KLHL8: variants seen among roughly 807,000 people sequenced by gnomAD.
The protein encoded by KLHL8 is kelch-like protein 8.
Under a neutral mutation model 63.5 loss-of-function variants are expected in KLHL8, and 38 were observed. That is an observed-to-expected ratio of 0.60 (90% CI 0.46 to 0.78). The LOEUF (loss-of-function observed/expected upper bound fraction) is 0.78. Ranked by LOEUF, KLHL8 falls within the 30% of genes least tolerant of loss-of-function variation. The pLI is 0.00. For synonymous variants in KLHL8, 224 were observed against 254.3 expected (o/e 0.88, Z 1.13); for missense variants, 566 against 752.4 (o/e 0.75, Z 2.90).
chr4:87,207,200 G>C, intron 1 of KLHL8: 1 of 570,650 alleles, frequency 1.8e-6, no homozygotes, highest in Non-Finnish European at 3.3e-6. Flanking sequence ...CCGCTTCATT[G>C]ACCTCAACTA....
At chr4:87,233,323 C>T (rs192693768) in intron 1 of KLHL8, among the ~76,000 whole-genome samples, 9 of 152,306 alleles carry the variant, frequency 5.9e-5, no homozygotes, top group Non-Finnish European at 8.8e-5. Context: ...GTGCGTGGCT[C>T]ATGCCTATAA....
At chr4:87,165,658 A>G (rs112261152) in intron 8 of KLHL8, among the ~76,000 whole-genome samples, 6,112 of 151,972 alleles carry the variant, frequency 0.04, 187 homozygotes, top group Non-Finnish European at 0.063. Context: ...CAGCCTCCCA[A>G]AGTGCTGGGA....
At chr4:87,185,926 C>T (rs1304584550) in intron 2 of KLHL8, 127 bp from the exon 3 acceptor site, 7 of 742,082 alleles carry the variant, frequency 9.4e-6, no homozygotes, top group Non-Finnish European at 1.5e-5. Flanking sequence ...ATAAGGCGAT[C>T]CTTTGATCAC....
At chr4:87,184,813 G>A (rs1301863549) in intron 3 of KLHL8, among the ~76,000 whole-genome samples, 1 of 152,096 alleles carries the variant, frequency 6.6e-6, no homozygotes, top group African/African-American at 2.4e-5. Context: ...TAGAAGTGAT[G>A]TCCTATGGTT....
chr4:87,169,546 T>G (rs1730556208), intron 8 of KLHL8, among the ~76,000 whole-genome samples: 1 of 152,094 alleles, frequency 6.6e-6, no homozygotes, highest in Admixed American at 6.6e-5. Context: ...GATGAAGATT[T>G]AAACAAAAAT....
At chr4:87,227,745 C>G (rs1451098981) in intron 1 of KLHL8, among the ~76,000 whole-genome samples, 1 of 152,196 alleles carries the variant, frequency 6.6e-6, no homozygotes, top group Non-Finnish European at 1.5e-5. Flanking sequence ...ATTAAACCAT[C>G]ATTTTAGTCC....
intron 4 of KLHL8, among the ~76,000 whole-genome samples, chr4:87,182,354 G>A (rs571202046): frequency 6.6e-6 from 1 of 151,548 alleles, no homozygotes; most frequent in Non-Finnish European, 1.5e-5. Flanking sequence ...ATGACTTTCA[G>A]CATTTCTTTG....
At chr4:87,228,143 C>T (rs1375782732) in intron 1 of KLHL8, among the ~76,000 whole-genome samples, 1 of 152,146 alleles carries the variant, frequency 6.6e-6, no homozygotes, top group African/African-American at 2.4e-5. Flanking sequence ...GGAAGTTCTG[C>T]GTGTGGGACC....
chr4:87,185,910 C>G, intron 2 of KLHL8, 111 bp from the exon 3 acceptor site: 1 of 877,872 alleles, frequency 1.1e-6, no homozygotes, highest in Non-Finnish European at 1.7e-6. Flanking sequence ...TTTAGAGTAT[C>G]TTTTTATAAG....
intron 1 of KLHL8, among the ~76,000 whole-genome samples, chr4:87,205,348 A>C (rs569604290): frequency 6.6e-6 from 1 of 152,308 alleles, no homozygotes; most frequent in East Asian, 1.9e-4. Flanking sequence ...TCGAGGCCAC[A>C]GTGAGCTGTG....
chr4:87,186,080 C>T (rs1233307399), intron 2 of KLHL8, among the ~76,000 whole-genome samples: 2 of 151,928 alleles, frequency 1.3e-5, no homozygotes, highest in Non-Finnish European at 2.9e-5. Flanking sequence ...GCTCTGTTGC[C>T]CAGGCTGGAG....
intron 2 of KLHL8, among the ~76,000 whole-genome samples, chr4:87,193,927 G>A (rs372214201): frequency 3.9e-5 from 6 of 152,110 alleles, no homozygotes; most frequent in African/African-American, 1.2e-4. Context: ...ATTTACTAGC[G>A]GAATGGATGA....
intron 1 of KLHL8, among the ~76,000 whole-genome samples, chr4:87,227,014 A>T (rs1232892443): frequency 9.2e-6 from 1 of 109,148 alleles, no homozygotes; most frequent in Non-Finnish European, 1.7e-5. Context: ...ATTATATATA[A>T]ATAATATATA....
At chr4:87,176,516 A>G (rs1730821822) in intron 6 of KLHL8, among the ~76,000 whole-genome samples, 1 of 152,234 alleles carries the variant, frequency 6.6e-6, no homozygotes, top group Non-Finnish European at 1.5e-5. Context: ...AAAAAAATCA[A>G]TGCTCATGTA....
chr4:87,231,679 C>T (rs1733140178), intron 1 of KLHL8, among the ~76,000 whole-genome samples: 1 of 152,162 alleles, frequency 6.6e-6, no homozygotes, highest in South Asian at 2.1e-4. Flanking sequence ...TCACTGCAAC[C>T]TCTGCCTCCC....
upstream of KLHL8, among the ~76,000 whole-genome samples, chr4:87,222,947 T>TTTTATTTTA (rs1260563358): frequency 6.6e-6 from 1 of 152,068 alleles, no homozygotes; most frequent in East Asian, 1.9e-4. Context: ...TAAGCTTTTA[T>TTTTATTTTA]TTTATTTTAT....
At chr4:87,222,100 T>C (rs879726844), upstream of KLHL8, among the ~76,000 whole-genome samples, 2 of 152,186 alleles carry the variant, frequency 1.3e-5, no homozygotes, top group Non-Finnish European at 2.9e-5. Flanking sequence ...TCTCTGAATT[T>C]CCCTTATCTG....
chr4:87,207,866 TG>T, intron 1 of KLHL8: 2 of 1,529,860 alleles, frequency 1.3e-6, no homozygotes, highest in African/African-American at 1.4e-5. Context: ...ATCAAGAAGG[TG>T]GTGAAGCAGA....
chr4:87,214,472 G>A (rs1732524927), intron 1 of KLHL8, among the ~76,000 whole-genome samples: 1 of 128,172 alleles, frequency 7.8e-6, no homozygotes, highest in African/African-American at 2.8e-5. Context: ...TTGTCATCAT[G>A]AGTTAAATAC....
Sources: gnomAD v4.1 joint callset for allele counts (sites outside exome capture counted in the v4.1 genomes callset) on GRCh38, gnomAD v4.1.1 for gene constraint, MANE v1.5 for transcripts, NCBI Gene and HGNC (gene_info 2026-07-23, HGNC 2026-07-21) for gene names.